ZFHX3: variants seen among roughly 807,000 people sequenced by gnomAD.
The protein encoded by ZFHX3 is zinc finger homeobox 3.
In ZFHX3, 42 loss-of-function variants were observed where a neutral mutation model predicts 279.1. That is an observed-to-expected ratio of 0.15 (90% CI 0.12 to 0.19). The LOEUF is 0.19. Among genes scored for constraint, ZFHX3 ranks in the 10% least tolerant of loss-of-function variants. The pLI, the probability that ZFHX3 is intolerant of heterozygous loss-of-function variation, is 1.00. For missense variants in ZFHX3, 4,981 were observed against 4,754.0 expected (o/e 1.05, Z -1.40); for synonymous variants, 2,293 against 1,957.8 (o/e 1.17, Z -4.52).
At chr16:73,218,347 C>T (rs1013446871) in intron 5 of ZFHX3, among the ~76,000 whole-genome samples, 1 of 152,198 alleles carries the variant, frequency 6.6e-6, no homozygotes, top group African/African-American at 2.4e-5. Flanking sequence ...TCCAATGAAA[C>T]TTCTTGGATA....
At chr16:73,773,933 C>T (rs778529073) in intron 1 of ZFHX3, among the ~76,000 whole-genome samples, 1 of 152,014 alleles carries the variant, frequency 6.6e-6, no homozygotes, top group Non-Finnish European at 1.5e-5. Flanking sequence ...AGGCCAGGAG[C>T]TCCAGACTAA....
chr16:73,147,840 C>G (rs1166597805), intron 5 of ZFHX3, among the ~76,000 whole-genome samples: 1 of 152,130 alleles, frequency 6.6e-6, no homozygotes, highest in Non-Finnish European at 1.5e-5. Flanking sequence ...CCACTGCACT[C>G]CAGCCTCGGT....
intron 4 of ZFHX3, among the ~76,000 whole-genome samples, chr16:73,270,405 A>C (rs2014108120): frequency 6.6e-6 from 1 of 152,212 alleles, no homozygotes; most frequent in African/African-American, 2.4e-5. Context: ...TGCGTGGAGA[A>C]CAGGAACTGC....
intron 2 of ZFHX3, 66 bp from the exon 3 acceptor site, chr16:72,951,031 C>G (rs531209816): frequency 6.5e-7 from 1 of 1,548,310 alleles, no homozygotes; most frequent in Non-Finnish European, 8.7e-7. Context: ...AGCTGAGGCA[C>G]CCCCCAGCCC....
chr16:73,380,056 C>G (rs2016793319), intron 3 of ZFHX3, among the ~76,000 whole-genome samples: 1 of 151,960 alleles, frequency 6.6e-6, no homozygotes, highest in Non-Finnish European at 1.5e-5. Context: ...GAAGCATAAC[C>G]AAGCACAAGA....
chr16:73,613,039 T>A (rs1376387176), intron 2 of ZFHX3, among the ~76,000 whole-genome samples: 1 of 152,150 alleles, frequency 6.6e-6, no homozygotes, highest in Non-Finnish European at 1.5e-5. Flanking sequence ...TAATAAGATA[T>A]CAAGCTGGAG....
At chr16:73,374,729 G>A (rs1239691205) in intron 3 of ZFHX3, among the ~76,000 whole-genome samples, 1 of 152,016 alleles carries the variant, frequency 6.6e-6, no homozygotes, top group Non-Finnish European at 1.5e-5. Context: ...TTTTGTCCTG[G>A]GTTTTTAAAA....
chr16:73,330,749 G>C (rs1597287339), intron 3 of ZFHX3, among the ~76,000 whole-genome samples: 1 of 152,184 alleles, frequency 6.6e-6, no homozygotes, highest in Admixed American at 6.5e-5. Flanking sequence ...TTGTGGTTTG[G>C]TGGAGGCAGG....
At chr16:73,306,857 G>A (rs571600796) in intron 4 of ZFHX3, among the ~76,000 whole-genome samples, 1 of 152,322 alleles carries the variant, frequency 6.6e-6, no homozygotes, top group African/African-American at 2.4e-5. Context: ...ATCATTTCTA[G>A]CCTCCTGGGG....
chr16:73,622,189 T>C lies in ZFHX3; in HGVS notation c.-1547+57991A>G, dbSNP rs1161212598. On this transcript the variant is annotated intron_variant, in intron 2 of 17. Coordinates refer to the ZFHX3 transcript ENST00000641206. Reference sequence around the variant, plus strand: ...TTATAATCCAGGATGCAAAGAAAAATAGCATCCTTGTTTAGCCACAGATCC... The same window carrying C: ...TTATAATCCAGGATGCAAAGAAAAACAGCATCCTTGTTTAGCCACAGATCC... Among the ~76,000 whole-genome samples the C allele has an allele frequency of 2.0e-5, 3 of 152,086 alleles. No homozygotes were observed. In the East Asian group the frequency reaches 5.8e-4, roughly 29 times the overall value.
At chr16:73,707,714 C>T (rs1188170746) in intron 1 of ZFHX3, among the ~76,000 whole-genome samples, 1 of 150,218 alleles carries the variant, frequency 6.7e-6, no homozygotes, top group South Asian at 2.1e-4. Context: ...ACGTTGTGCA[C>T]ATGTACCCTA....
intron 1 of ZFHX3, among the ~76,000 whole-genome samples, chr16:73,811,860 A>G (rs1018298420): frequency 6.6e-6 from 1 of 152,166 alleles, no homozygotes; most frequent in Admixed American, 6.5e-5. Flanking sequence ...GACATGTCCA[A>G]TTCCCAGGCC....
chr16:72,873,102 C>G (rs1328442245), intron 4 of ZFHX3, among the ~76,000 whole-genome samples: 1 of 152,228 alleles, frequency 6.6e-6, no homozygotes, highest in East Asian at 1.9e-4. Context: ...GTTCCACTCT[C>G]TGCTACTCAC....
chr16:72,955,873 C>T (rs1230398996), intron 2 of ZFHX3, among the ~76,000 whole-genome samples: 1 of 151,354 alleles, frequency 6.6e-6, no homozygotes, highest in Admixed American at 6.6e-5. Context: ...GTTTGATTTG[C>T]TCCAAGATCT....
chr16:72,987,399 G>A (rs967889406), intron 1 of ZFHX3, among the ~76,000 whole-genome samples: 4 of 152,084 alleles, frequency 2.6e-5, no homozygotes, highest in Non-Finnish European at 5.9e-5. Flanking sequence ...CACCCTCCCC[G>A]ATCAAAGCAT....
At chr16:73,607,539 G>C (rs973693304) in intron 2 of ZFHX3, among the ~76,000 whole-genome samples, 1 of 152,016 alleles carries the variant, frequency 6.6e-6, no homozygotes, top group Non-Finnish European at 1.5e-5. Flanking sequence ...TATAAAATGC[G>C]GAAAATACTA....
At chr16:72,934,692 T>C (rs1960018902) in intron 3 of ZFHX3, among the ~76,000 whole-genome samples, 3 of 152,202 alleles carry the variant, frequency 2.0e-5, no homozygotes, top group South Asian at 4.1e-4. Context: ...GTGTCCGCAT[T>C]TGACGGCTCT....
At chr16:73,656,457 A>G (rs766937756) in intron 2 of ZFHX3, among the ~76,000 whole-genome samples, 1 of 152,246 alleles carries the variant, frequency 6.6e-6, no homozygotes, top group Non-Finnish European at 1.5e-5. Context: ...TGATCATCTC[A>G]AAAGGATTGA....
intron 3 of ZFHX3, among the ~76,000 whole-genome samples, chr16:73,360,071 C>A (rs1458952843): frequency 6.6e-6 from 1 of 152,138 alleles, no homozygotes; most frequent in Non-Finnish European, 1.5e-5. Flanking sequence ...TGAGTTATCA[C>A]TTATTAGTTG....
Sources: allele counts gnomAD v4.1 joint callset (sites outside exome capture counted in the v4.1 genomes callset), GRCh38; gene constraint gnomAD v4.1.1; transcripts MANE v1.5; gene names NCBI Gene and HGNC (gene_info 2026-07-23, HGNC 2026-07-21).